AKAP13: variants seen among roughly 807,000 people sequenced by gnomAD.
AKAP13 encodes the protein A-kinase anchoring protein 13.
AKAP13 carries 80 observed loss-of-function variants against 264.5 expected under a neutral mutation model. That is an observed-to-expected ratio of 0.30 (90% confidence interval 0.25 to 0.36). AKAP13 has a LOEUF of 0.36. Ranked by LOEUF, AKAP13 falls within the 10% of genes least tolerant of loss-of-function variation. The pLI, the probability that AKAP13 is intolerant of heterozygous loss-of-function variation, is 1.00. For synonymous variants in AKAP13, 1,380 were observed against 1,250.2 expected, an observed-to-expected ratio of 1.10 and a Z score of -2.19; for missense variants, 3,712 against 3,435.2, an observed-to-expected ratio of 1.08 and a Z score of -2.01.
At chr15:85,547,663 CTTACATTATGAATAT>C (rs1399510574) in intron 5 of AKAP13, among the ~76,000 whole-genome samples, 2 of 152,102 alleles carry the variant, frequency 1.3e-5, no homozygotes, top group Non-Finnish European at 2.9e-5. Flanking sequence ...ATATTTAGAT[CTTACATTATGAATAT>C]GAATGCATTT....
intron 5 of AKAP13, among the ~76,000 whole-genome samples, chr15:85,558,676 ATTTT>A (rs2078237959): frequency 6.6e-6 from 1 of 152,150 alleles, no homozygotes; most frequent in African/African-American, 2.4e-5. Flanking sequence ...TAATCAGCTG[ATTTT>A]AACGTTCACC....
Position 85,689,688 on chromosome 15 carries a change from T to C in AKAP13, c.5290-3589T>C, listed in dbSNP as rs564043607. On this transcript the variant is annotated intron_variant, in intron 16 of 36. Coordinates refer to ENST00000394518, the MANE Select transcript of AKAP13 (RefSeq NM_007200.5). ...TCTATTTTAAAATAGGTAAGATGTG[T>C]TCCTTAACTTCCCGTGTAAAAACTT... Among the ~76,000 whole-genome samples the C allele has an allele frequency of 3.3e-5, 5 of 152,358 alleles. No homozygotes were observed. The South Asian group carries it at 1.0e-3, about 32-fold the overall frequency.
Position 85,509,576 on chromosome 15 carries a change from C to G in AKAP13, c.34-11852C>G, listed in dbSNP as rs530109878. On this transcript the variant is annotated intron_variant, in intron 2 of 36. Coordinates refer to ENST00000394518, the MANE Select transcript of AKAP13 (RefSeq NM_007200.5). ...CATCCTAAGGAGCCTTGGGGTACTG[C>G]TTTGCTGTGACCGTGCCTTATGAAT... Among the ~76,000 whole-genome samples the G allele has an allele frequency of 2.6e-5, 4 of 152,232 alleles. No homozygotes were observed. In the South Asian group the frequency reaches 8.3e-4, roughly 32 times the overall value.
At chr15:85,422,935 G>A (rs1236291286) in intron 1 of AKAP13, among the ~76,000 whole-genome samples, 2 of 152,200 alleles carry the variant, frequency 1.3e-5, no homozygotes, top group South Asian at 2.1e-4. Flanking sequence ...TGAACATTGC[G>A]ATAAAGCAAG....
rs1026663750 is a variant in AKAP13, at chr15:85,398,092, A to G, written c.-12+17294A>G. Among the ~76,000 whole-genome samples, 6 of 152,310 alleles carry G rather than the reference A, an allele frequency of 3.9e-5. No individual in the cohort carries two copies. In the East Asian group the frequency reaches 1.2e-3, roughly 29 times the overall value. Reference sequence around the variant, plus strand: ...CATACTTGAACATGGATCTTACTCTAGAACTTATACTCTGCTCAGCATTCC... The same window carrying G: ...CATACTTGAACATGGATCTTACTCTGGAACTTATACTCTGCTCAGCATTCC... On this transcript the variant is annotated intron_variant, in intron 1 of 36. Coordinates refer to ENST00000394518, the MANE Select transcript of AKAP13 (RefSeq NM_007200.5).
intron 1 of AKAP13, chr15:85,415,710 C>T (rs919309647): frequency 3.1e-5 from 23 of 742,390 alleles, no homozygotes; most frequent in African/African-American, 2.2e-4. Context: ...ATCTCCATAC[C>T]GTTTCTTTTT....
At chr15:85,682,113 T>A in intron 14 of AKAP13, 45 bp from the exon 15 acceptor site, 1 of 1,552,790 alleles carries the variant, frequency 6.4e-7, no homozygotes, top group Non-Finnish European at 8.9e-7. Context: ...CCGGCATCAG[T>A]GTTAAATTTT....
chr15:85,472,839 T>A (rs182035412), intron 1 of AKAP13, among the ~76,000 whole-genome samples: 1 of 152,246 alleles, frequency 6.6e-6, no homozygotes, highest in Non-Finnish European at 1.5e-5. Flanking sequence ...ATAGCACTTA[T>A]ATAACAGAAA....
chr15:85,639,998 T>C (rs923753746), intron 9 of AKAP13, among the ~76,000 whole-genome samples: 1 of 152,240 alleles, frequency 6.6e-6, no homozygotes, highest in Non-Finnish European at 1.5e-5. Context: ...CTTTGAGTTA[T>C]TCCTAACAAC....
At chr15:85,667,280 TAA>T (rs1212743049) in intron 13 of AKAP13, among the ~76,000 whole-genome samples, 3 of 152,184 alleles carry the variant, frequency 2.0e-5, no homozygotes, top group Non-Finnish European at 2.9e-5. Flanking sequence ...ACCAGACAAA[TAA>T]AGAGATTTAG....
At chr15:85,572,656 CA>C (rs2078858037) in intron 5 of AKAP13, among the ~76,000 whole-genome samples, 1 of 151,848 alleles carries the variant, frequency 6.6e-6, no homozygotes, top group African/African-American at 2.4e-5. Context: ...TCCACTGTAG[CA>C]TTAAAAAAAA....
intron 8 of AKAP13, among the ~76,000 whole-genome samples, chr15:85,618,313 C>T (rs2081031646): frequency 6.6e-6 from 1 of 152,160 alleles, no homozygotes. Context: ...ACTTTGTTTG[C>T]AATGTCAACA....
intron 5 of AKAP13, among the ~76,000 whole-genome samples, chr15:85,568,391 A>C (rs1430655670): frequency 1.3e-5 from 2 of 152,240 alleles, no homozygotes; most frequent in Non-Finnish European, 2.9e-5. Flanking sequence ...AAAAGCGATC[A>C]GTAAGCCAGA....
At chr15:85,395,584 A>T (rs932970142) in intron 1 of AKAP13, among the ~76,000 whole-genome samples, 5 of 152,224 alleles carry the variant, frequency 3.3e-5, no homozygotes, top group African/African-American at 1.2e-4. Context: ...ATCTGAAGGC[A>T]GTGTTTATTT....
chr15:85,457,989 A>G (rs1313988435), intron 1 of AKAP13, among the ~76,000 whole-genome samples: 3 of 151,866 alleles, frequency 2.0e-5, no homozygotes, highest in Non-Finnish European at 4.4e-5. Context: ...AAAATACAAA[A>G]ATTAGCTGGG....
chr15:85,501,490 A>G (rs893139150), intron 2 of AKAP13, among the ~76,000 whole-genome samples: 4 of 152,168 alleles, frequency 2.6e-5, no homozygotes, highest in Non-Finnish European at 4.4e-5. Context: ...GCCATACTGT[A>G]TATGTGTGCA....
At chr15:85,633,279 C>G (rs2081929530) in intron 8 of AKAP13, among the ~76,000 whole-genome samples, 1 of 151,600 alleles carries the variant, frequency 6.6e-6, no homozygotes, top group Non-Finnish European at 1.5e-5. Flanking sequence ...TTACTTATCA[C>G]TAAAGAATCA....
At chr15:85,413,273 C>A (rs1436823781) in intron 1 of AKAP13, among the ~76,000 whole-genome samples, 2 of 152,116 alleles carry the variant, frequency 1.3e-5, no homozygotes, top group African/African-American at 4.8e-5. Flanking sequence ...GTGGTTCTTT[C>A]AGAACTTCAG....
chr15:85,712,814 G>T (rs1183034090), intron 19 of AKAP13, among the ~76,000 whole-genome samples: 2 of 152,190 alleles, frequency 1.3e-5, no homozygotes, highest in African/African-American at 4.8e-5. Flanking sequence ...AAAGTGCTGG[G>T]ATTATAGGCG....
Sources: allele counts gnomAD v4.1 joint callset (sites outside exome capture counted in the v4.1 genomes callset), GRCh38; gene constraint gnomAD v4.1.1; transcripts MANE v1.5; gene names NCBI Gene and HGNC (gene_info 2026-07-23, HGNC 2026-07-21).